The following IRF4 variants were observed in gnomAD, a reference collection of about 807,000 sequenced individuals.
IRF4 encodes interferon regulatory factor 4, also known as lymphocyte-specific interferon regulatory factor.
A neutral mutation model predicts 55.5 loss-of-function variants in IRF4; 13 were observed. That is an observed-to-expected ratio of 0.23 (90% CI 0.15 to 0.37). The LOEUF is 0.37. Among genes scored for constraint, IRF4 ranks in the 10% least tolerant of loss-of-function variants. The pLI is 1.00. For missense variants in IRF4, 397 were observed against 593.8 expected, an observed-to-expected ratio of 0.67 and a Z score of 3.44; for synonymous variants, 249 against 240.7, an observed-to-expected ratio of 1.03 and a Z score of -0.32.
chr6:392,005 G>A (rs1465686289), intron 1 of IRF4, 196 bp downstream of exon 1: 1 of 368,162 alleles, frequency 2.7e-6, no homozygotes, highest in Non-Finnish European at 5.6e-6. Context: ...GGGCTCCAAG[G>A]CCCGCCTCCT....
At chr6:391,973 G>A (rs897241148) in intron 1 of IRF4, 164 bp downstream of exon 1, 1 of 405,878 alleles carries the variant, frequency 2.5e-6, no homozygotes. Flanking sequence ...CCCCATCTGC[G>A]CTGAGCCGGA....
intron 3 of IRF4, 110 bp from the exon 4 acceptor site, chr6:395,737 G>A (rs915681545): frequency 1.3e-6 from 1 of 784,688 alleles, no homozygotes; most frequent in Non-Finnish European, 2.1e-6. Context: ...TCAACACCGT[G>A]TTATGCATTC....
chr6:397,441 C>T lies in IRF4; in HGVS notation c.637+189C>T, dbSNP rs796280995. On this transcript the variant is annotated intron_variant, in intron 5 of 8. Coordinates refer to ENST00000380956, the MANE Select transcript of IRF4 (RefSeq NM_002460.4). The stretch of plus-strand genomic sequence containing the variant: ...GTGGCATCCCACAGCCAAGTTTACT[C>T]TCAGGATCCATGCTAGGCACTGCCC... 29 of 625,820 alleles carry T rather than the reference C, an allele frequency of 4.6e-5. No homozygotes were observed. The African/African-American group carries it at 5.1e-4, about 11-fold the overall frequency. 38.8% of individuals were successfully genotyped at this position (625,820 alleles called of 1,614,324 possible).
chr6:396,094 T>C, intron 4 of IRF4, 159 bp downstream of exon 4: 1 of 611,420 alleles, frequency 1.6e-6, no homozygotes, highest in East Asian at 2.8e-5. Context: ...AATGTCTCAC[T>C]TTCCACACGG....
At chr6:402,819 G>A (rs1267462396) in intron 7 of IRF4, among the ~76,000 whole-genome samples, 2 of 152,146 alleles carry the variant, frequency 1.3e-5, no homozygotes, top group African/African-American at 2.4e-5. Context: ...ATCACTTGAG[G>A]CCAGGAGTTC....
chr6:402,134 T>C (rs905581068), intron 7 of IRF4, among the ~76,000 whole-genome samples: 5 of 152,166 alleles, frequency 3.3e-5, no homozygotes, highest in African/African-American at 7.2e-5. Flanking sequence ...GTTGGAAGCA[T>C]ATTGTTAACA....
At chr6:401,801 G>T in intron 7 of IRF4, 24 bp downstream of exon 7, 1 of 1,602,498 alleles carries the variant, frequency 6.2e-7, no homozygotes, top group South Asian at 1.1e-5. Flanking sequence ...TTATCTGTTA[G>T]AATGGAGGTG....
intron 5 of IRF4, 131 bp downstream of exon 5, chr6:397,383 G>A: frequency 9.4e-7 from 1 of 1,064,764 alleles, no homozygotes; most frequent in Non-Finnish European, 1.3e-6. Flanking sequence ...GTGCAGCTCG[G>A]GGAGAGGGGG....
intron 2 of IRF4, among the ~76,000 whole-genome samples, chr6:394,263 C>T (rs1050028847): frequency 6.6e-6 from 1 of 152,146 alleles, no homozygotes; most frequent in African/African-American, 2.4e-5. Context: ...GGTAGAGCCC[C>T]CTCAAGGAAC....
At chr6:396,545 A>C (rs763391751) in intron 4 of IRF4, among the ~76,000 whole-genome samples, 1 of 150,498 alleles carries the variant, frequency 6.6e-6, no homozygotes, top group Admixed American at 6.6e-5. Flanking sequence ...CCCCCGTCTC[A>C]ATGCCAGTGC....
chr6:404,939 G>C, intron 7 of IRF4, 79 bp from the exon 8 acceptor site: 1 of 865,248 alleles, frequency 1.2e-6, no homozygotes, highest in Non-Finnish European at 1.9e-6. Context: ...ATCACAGTAA[G>C]CTCTTGCTTC....
intron 8 of IRF4, among the ~76,000 whole-genome samples, chr6:406,270 A>G (rs898474651): frequency 6.6e-6 from 1 of 152,254 alleles, no homozygotes; most frequent in African/African-American, 2.4e-5. Context: ...TCGGCCGGGC[A>G]CAGTGGCTCA....
chr6:392,689 G>A (rs1396158837), intron 1 of IRF4, among the ~76,000 whole-genome samples: 1 of 109,216 alleles, frequency 9.2e-6, no homozygotes, highest in East Asian at 4.2e-4. Flanking sequence ...TGACAGAGTC[G>A]CGGGGAAGGG....
At position 408,826 on chromosome 6, in the gene IRF4, A is replaced by G; in HGVS notation, c.*1228A>G. ...GATGGAGCTGACTACGGAACTGCAC[A>G]CTCAGTGGGCTGTTTCTGCTTATTT... On this transcript the variant is annotated 3_prime_UTR_variant, in exon 9 of 9. Transcript: ENST00000380956. The G allele has an allele frequency of 4.3e-6, 1 of 234,036 alleles. No individual in the cohort carries two copies. Among genetic ancestry groups the G allele is most frequent in the East Asian group, 5.9e-5 (1 of 16,858 alleles). The allele number at this position is 234,036 out of a possible 1,614,324, so 14.5% of individuals were successfully genotyped here.
At chr6:398,680 C>T in intron 5 of IRF4, 148 bp from the exon 6 acceptor site, 1 of 554,290 alleles carries the variant, frequency 1.8e-6, no homozygotes, top group South Asian at 2.6e-5. Flanking sequence ...AAGAGCGTGC[C>T]CTGCTAGTTG....
At chr6:397,293 C>T (rs772103541) in intron 5 of IRF4, 41 bp downstream of exon 5, 3 of 1,609,170 alleles carry the variant, frequency 1.9e-6, no homozygotes, top group South Asian at 2.2e-5. Flanking sequence ...GAGCTAATTG[C>T]TAATGTGGCC....
Position 408,316 on chromosome 6 carries a change from G to A in IRF4, c.*718G>A, listed in dbSNP as rs956001532. ...AGGAAATGAATCTTTGACTGAAGCC[G>A]TGCCTGTAGCCTTGGGGAGGCCCAT... On this transcript the variant is annotated 3_prime_UTR_variant, in exon 9 of 9. Coordinates refer to ENST00000380956, the MANE Select transcript of IRF4 (RefSeq NM_002460.4). 4 of 231,836 alleles carry A rather than the reference G, an allele frequency of 1.7e-5. No homozygotes were observed. Among genetic ancestry groups the A allele is most frequent in the South Asian group, 1.8e-4 (1 of 5,526 alleles). 14.4% of individuals were successfully genotyped at this position (231,836 alleles called of 1,614,324 possible).
intron 4 of IRF4, 54 bp downstream of exon 4, chr6:395,989 C>T (rs1761244021): frequency 5.0e-6 from 7 of 1,409,552 alleles, no homozygotes; most frequent in Non-Finnish European, 6.0e-6. Flanking sequence ...GGCCAGCTGC[C>T]CACATGGCCA....
At position 397,130 on chromosome 6, in the gene IRF4, C is replaced by A. The variant is rs777399667; in HGVS notation, c.515C>A (p.Pro172Gln). The change falls in exon 5 of 9, where the codon CCA becomes CAA. Residue 172 changes from proline (P) to glutamine (Q), a missense_variant. Pro to Gln is a moderately conservative substitution (Grantham distance 76, BLOSUM62 -1). Coordinates refer to ENST00000380956, the MANE Select transcript of IRF4 (RefSeq NM_002460.4). Reference sequence around the variant, plus strand: ...TAGCAGGTTCACAACTACATGATGCCACCCCTCGACCGAAGCTGGAGGGAC... The same window carrying A: ...TAGCAGGTTCACAACTACATGATGCAACCCCTCGACCGAAGCTGGAGGGAC... Reference protein sequence around the residue: ...PAQQVHNYMMPPLDRSWRDYV... With the variant: ...PAQQVHNYMMQPLDRSWRDYV... The A allele has an allele frequency of 6.2e-7, 1 of 1,614,246 alleles. No homozygotes were observed. The highest frequency in any genetic ancestry group is 1.1e-5 in the South Asian group (1 of 91,086).
Sources: gnomAD v4.1 joint callset for allele counts (sites outside exome capture counted in the v4.1 genomes callset) on GRCh38, gnomAD v4.1.1 for gene constraint, MANE v1.5 for transcripts, NCBI Gene and HGNC (gene_info 2026-07-23, HGNC 2026-07-21) for gene names.